TBCE: variants seen among roughly 807,000 people sequenced by gnomAD.
TBCE encodes the protein tubulin folding cofactor E.
In TBCE, 53 loss-of-function variants were observed where a neutral mutation model predicts 77.0. That is an observed-to-expected ratio of 0.69 (90% CI 0.55 to 0.87). The LOEUF (loss-of-function observed/expected upper bound fraction) is 0.87. TBCE is among the 40% of genes least tolerant of loss of function. TBCE has a pLI of 0.00. For synonymous variants in TBCE, 235 were observed against 241.3 expected, an observed-to-expected ratio of 0.97 and a Z score of 0.24; for missense variants, 624 against 622.4, an observed-to-expected ratio of 1.00 and a Z score of -0.03.
rs994807777 is a variant in TBCE, at chr1:235,438,667, ATT to A, written c.1117-99_1117-98del. 7.0e-5 allele frequency: 96 copies of A among 1,369,408 alleles called. No homozygotes were observed. The African/African-American group carries it at 1.2e-3, about 17-fold the overall frequency. 84.8% of individuals were successfully genotyped at this position (1,369,408 alleles called of 1,614,324 possible). On this transcript the variant is annotated intron_variant, in intron 12 of 16. Transcript: ENST00000642610. Reference sequence around the variant, plus strand: ...AGATCTTGTCCCTCTCAATTTGATTATTTTCTGCATGTGCTATGGAGGAAGGA... The same window carrying A: ...AGATCTTGTCCCTCTCAATTTGATTATTCTGCATGTGCTATGGAGGAAGGA...
At chr1:235,413,654 T>A (rs1429771195) in intron 3 of TBCE, among the ~76,000 whole-genome samples, 1 of 147,250 alleles carries the variant, frequency 6.8e-6, no homozygotes, top group African/African-American at 2.6e-5. Flanking sequence ...TAGAGTGAGA[T>A]TCTGTCTCAA....
chr1:235,400,819 C>T (rs1332069161), intron 2 of TBCE, among the ~76,000 whole-genome samples: 5 of 151,628 alleles, frequency 3.3e-5, no homozygotes, highest in African/African-American at 7.3e-5. Context: ...CTCAGCCTCC[C>T]GAGTAGCTGG....
rs751770062 is a variant in TBCE, at chr1:235,436,373, T to C, written c.834-13T>C. 5 of 1,609,748 alleles carry C rather than the reference T, an allele frequency of 3.1e-6. No individual in the cohort carries two copies. Among genetic ancestry groups the C allele is most frequent in the Non-Finnish European group, 2.6e-6 (3 of 1,176,120 alleles). On this transcript the variant is annotated splice_polypyrimidine_tract_variant and intron_variant, in intron 9 of 16. Coordinates refer to ENST00000642610, the MANE Select transcript of TBCE (RefSeq NM_003193.5). Reference sequence around the variant, plus strand: ...TTGTTCTGTGTAATCAAATTGTACATTTTGAATTTCAGGTTAGAACAATTA... The same window carrying C: ...TTGTTCTGTGTAATCAAATTGTACACTTTGAATTTCAGGTTAGAACAATTA...
intron 2 of TBCE, among the ~76,000 whole-genome samples, chr1:235,387,480 T>C (rs1678087975): frequency 6.6e-6 from 1 of 152,222 alleles, no homozygotes; most frequent in Non-Finnish European, 1.5e-5. Flanking sequence ...CTGCTTTGTT[T>C]ACCTAAGCAA....
chr1:235,398,168 G>A (rs1678859725), intron 2 of TBCE, among the ~76,000 whole-genome samples: 1 of 148,566 alleles, frequency 6.7e-6, no homozygotes, highest in Non-Finnish European at 1.5e-5. Context: ...CTTTTGAGAT[G>A]GAGTTTTGTT....
intron 2 of TBCE, among the ~76,000 whole-genome samples, chr1:235,395,630 C>T (rs1449322813): frequency 6.6e-5 from 10 of 151,634 alleles, no homozygotes; most frequent in South Asian, 2.1e-4. Context: ...CAGCAACCTC[C>T]GCCTCCTGGG....
intron 13 of TBCE, among the ~76,000 whole-genome samples, chr1:235,440,380 T>C (rs6679438): frequency 0.094 from 14,238 of 152,034 alleles, 1,326 homozygotes; most frequent in African/African-American, 0.24. Flanking sequence ...AGTTTATGTC[T>C]GAGGCATCCG....
At chr1:235,437,127 CA>C (rs1297195983) in intron 11 of TBCE, among the ~76,000 whole-genome samples, 194 bp from the exon 12 acceptor site, 1 of 151,442 alleles carries the variant, frequency 6.6e-6, no homozygotes, top group African/African-American at 2.4e-5. Context: ...AACTCCATCT[CA>C]AAAAACAAAA....
At chr1:235,431,297 T>G (rs1681069431) in intron 7 of TBCE, among the ~76,000 whole-genome samples, 1 of 152,116 alleles carries the variant, frequency 6.6e-6, no homozygotes, top group Admixed American at 6.6e-5. Context: ...ATTTGGGACT[T>G]ATATCTGGCA....
intron 11 of TBCE, 102 bp from the exon 12 acceptor site, chr1:235,437,220 C>T: frequency 7.0e-7 from 1 of 1,427,362 alleles, no homozygotes; most frequent in Non-Finnish European, 9.8e-7. Flanking sequence ...TTCCCTGCCT[C>T]AGATTAGAAC....
chr1:235,392,189 A>G (rs899149179), intron 2 of TBCE, among the ~76,000 whole-genome samples: 1 of 151,606 alleles, frequency 6.6e-6, no homozygotes, highest in Non-Finnish European at 1.5e-5. Context: ...AAATAAGTAC[A>G]TAAATAAAAA....
At chr1:235,423,986 C>T (rs1223141506) in intron 5 of TBCE, among the ~76,000 whole-genome samples, 1 of 152,136 alleles carries the variant, frequency 6.6e-6, no homozygotes, top group Non-Finnish European at 1.5e-5. Context: ...TGGTTCCTGC[C>T]TAAAATTATT....
At chr1:235,437,281 A>T in intron 11 of TBCE, 41 bp from the exon 12 acceptor site, 1 of 1,613,714 alleles carries the variant, frequency 6.2e-7, no homozygotes, top group South Asian at 1.1e-5. Context: ...AAGTGGCATG[A>T]ACGTACCGCT....
intron 8 of TBCE, 118 bp from the exon 9 acceptor site, chr1:235,435,627 A>G: frequency 1.0e-6 from 1 of 955,450 alleles, no homozygotes; most frequent in South Asian, 1.4e-5. Flanking sequence ...TTACAGTCAT[A>G]TTTACTTGCT....
chr1:235,398,072 ATTC>A (rs1285276726), intron 2 of TBCE, among the ~76,000 whole-genome samples: 1 of 151,354 alleles, frequency 6.6e-6, no homozygotes, highest in Admixed American at 6.6e-5. Context: ...TATTTTGTGC[ATTC>A]TTCTTTGTAG....
At chr1:235,435,121 A>T (rs1204120448) in intron 8 of TBCE, among the ~76,000 whole-genome samples, 1 of 150,142 alleles carries the variant, frequency 6.7e-6, no homozygotes, top group African/African-American at 2.5e-5. Context: ...TTTTTTTGAG[A>T]TAGAGTTTCA....
At chr1:235,437,216 G>C in intron 11 of TBCE, 106 bp from the exon 12 acceptor site, 2 of 1,375,282 alleles carry the variant, frequency 1.5e-6, no homozygotes, top group Non-Finnish European at 2.1e-6. Flanking sequence ...GAAATTCCCT[G>C]CCTCAGATTA....
chr1:235,394,905 A>G (rs916583640), intron 2 of TBCE, among the ~76,000 whole-genome samples: 2 of 151,538 alleles, frequency 1.3e-5, no homozygotes, highest in African/African-American at 4.9e-5. Flanking sequence ...AGGTCTTCCT[A>G]TGGCGCCCAG....
intron 2 of TBCE, among the ~76,000 whole-genome samples, chr1:235,386,048 A>G (rs1398505445): frequency 1.3e-5 from 2 of 151,974 alleles, no homozygotes; most frequent in Non-Finnish European, 2.9e-5. Context: ...CTTGTCTGTA[A>G]AGTATTTTAT....
Sources: gnomAD v4.1 joint callset for allele counts (sites outside exome capture counted in the v4.1 genomes callset) on GRCh38, gnomAD v4.1.1 for gene constraint, MANE v1.5 for transcripts, NCBI Gene and HGNC (gene_info 2026-07-23, HGNC 2026-07-21) for gene names.